FBXO42: variants seen among roughly 807,000 people sequenced by gnomAD.
FBXO42 encodes the protein F-box protein 42, also known as F-box only protein 42.
FBXO42 carries 12 observed loss-of-function variants against 71.7 expected under a neutral mutation model. The observed-to-expected ratio is 0.17, with a 90% CI of 0.11 to 0.27. The LOEUF (loss-of-function observed/expected upper bound fraction) is 0.27. Ranked by LOEUF, FBXO42 falls within the 10% of genes least tolerant of loss-of-function variation. FBXO42 has a pLI of 1.00. For synonymous variants in FBXO42, 325 were observed against 327.5 expected (o/e 0.99, Z 0.08); for missense variants, 707 against 911.9 (o/e 0.78, Z 2.89).
chr1:16,348,844 T>G (rs1022374803), intron 1 of FBXO42, among the ~76,000 whole-genome samples: 1 of 152,182 alleles, frequency 6.6e-6, no homozygotes, highest in Non-Finnish European at 1.5e-5. Context: ...ATCAACATTG[T>G]AAGGAATAAC....
At chr1:16,317,051 CG>C in intron 1 of FBXO42, among the ~76,000 whole-genome samples, 2 of 152,022 alleles carry the variant, frequency 1.3e-5, no homozygotes, top group South Asian at 4.2e-4. Flanking sequence ...GAGGCTGAGG[CG>C]GGCGGATCAC....
At chr1:16,279,335 C>G (rs1467308965) in intron 4 of FBXO42, among the ~76,000 whole-genome samples, 1 of 151,776 alleles carries the variant, frequency 6.6e-6, no homozygotes, top group Non-Finnish European at 1.5e-5. Context: ...GAGGCTGAGG[C>G]AGGATGACTG....
In FBXO42 at chr1:16,352,261, CAGCCCGCTCCACGCTCTCG is replaced by C. The variant is rs1329220975; in HGVS notation, c.-43_-25del. 2 of 395,502 alleles carry C rather than the reference CAGCCCGCTCCACGCTCTCG, an allele frequency of 5.1e-6. No homozygotes were observed. Among genetic ancestry groups the C allele is most frequent in the East Asian group, 7.2e-5 (2 of 27,916 alleles). 24.5% of individuals were successfully genotyped at this position (395,502 alleles called of 1,614,324 possible). ...GGAGGAGGAGAGGCCTCACCTGGCC[CAGCCCGCTCCACGCTCTCG>C]GGTTCGCTCCGCTGGCGACGGTAAT... On this transcript the variant is annotated 5_prime_UTR_variant, in exon 1 of 10. Transcript: ENST00000375592.
chr1:16,311,862 A>G (rs932756944), intron 2 of FBXO42, among the ~76,000 whole-genome samples: 1 of 152,098 alleles, frequency 6.6e-6, no homozygotes, highest in African/African-American at 2.4e-5. Flanking sequence ...GCATCTTGGT[A>G]TTTATTTACC....
At chr1:16,280,712 C>G (rs1268049204) in intron 4 of FBXO42, among the ~76,000 whole-genome samples, 1 of 152,018 alleles carries the variant, frequency 6.6e-6, no homozygotes, top group Non-Finnish European at 1.5e-5. Context: ...GAGGTCAAGG[C>G]TGCAGTGAGC....
chr1:16,338,128 A>G (rs1481675870), intron 1 of FBXO42, among the ~76,000 whole-genome samples: 2 of 151,226 alleles, frequency 1.3e-5, no homozygotes, highest in African/African-American at 4.9e-5. Context: ...GTGTGGTGGC[A>G]GGCGCCTGTA....
chr1:16,289,829 G>A (rs566280094), intron 4 of FBXO42, among the ~76,000 whole-genome samples: 8 of 152,258 alleles, frequency 5.3e-5, no homozygotes, highest in Admixed American at 3.9e-4. Context: ...AGCTACTCAG[G>A]AGGCTAAGGC....
rs146986551 is a variant in FBXO42, at chr1:16,251,517, G to A, written c.1307C>T (p.Ser436Phe). ...CAAACTCCCACCATTGAGGATAGGA[G>A]AGCCGTCTCCTCTGGCTGGGGAAAG... ...GSLSPARGDG[S>F]PILNGGSLSP... is the part of the protein sequence containing the mutation. The change falls in exon 10 of 10, where the codon TCT becomes TTT. Residue 436 changes from serine (S) to phenylalanine (F), a missense_variant. Physicochemically the swap from Ser to Phe is radical, Grantham distance 155. Around this residue, in one of 5 missense-constraint regions of FBXO42, gnomAD observed 482 missense variants for 587.1 expected, o/e 0.82. Coordinates refer to ENST00000375592, the MANE Select transcript of FBXO42 (RefSeq NM_018994.3). This position sits in a 1 kb window ranked among gnomAD's most constrained non-coding sequence, Gnocchi z 4.5. 13 of 1,614,174 alleles carry A rather than the reference G, an allele frequency of 8.1e-6. No individual in the cohort carries two copies. Among genetic ancestry groups the A allele is most frequent in the Non-Finnish European group, 1.1e-5 (13 of 1,180,018 alleles).
intron 1 of FBXO42, among the ~76,000 whole-genome samples, chr1:16,330,670 G>A (rs375528405): frequency 2.0e-5 from 3 of 151,940 alleles, no homozygotes; most frequent in Non-Finnish European, 2.9e-5. Flanking sequence ...GGCCAGGTGC[G>A]GTGGCTCACG....
At chr1:16,272,074 G>C (rs1164839162) in intron 4 of FBXO42, among the ~76,000 whole-genome samples, 3 of 141,976 alleles carry the variant, frequency 2.1e-5, no homozygotes, top group Non-Finnish European at 4.6e-5. Flanking sequence ...AGAATTGCAT[G>C]AATCTGGGAG....
intron 2 of FBXO42, among the ~76,000 whole-genome samples, chr1:16,314,599 C>T (rs1406964324): frequency 6.6e-6 from 1 of 152,184 alleles, no homozygotes; most frequent in Admixed American, 6.5e-5. Context: ...ATCCCATATC[C>T]ATTTCTATTT....
At chr1:16,342,775 G>A (rs998004304) in intron 1 of FBXO42, among the ~76,000 whole-genome samples, 2 of 151,976 alleles carry the variant, frequency 1.3e-5, no homozygotes, top group African/African-American at 4.8e-5. Context: ...CCTACTGGGT[G>A]GTGTTTAGGT....
chr1:16,254,430 C>A (rs2081619644), intron 6 of FBXO42, among the ~76,000 whole-genome samples: 1 of 152,206 alleles, frequency 6.6e-6, no homozygotes, highest in South Asian at 2.1e-4. Context: ...CTAATGAAAG[C>A]TGCAGTTTTA....
intron 4 of FBXO42, among the ~76,000 whole-genome samples, chr1:16,280,776 G>A (rs1013445768): frequency 4.0e-5 from 6 of 148,610 alleles, no homozygotes; most frequent in Non-Finnish European, 7.5e-5. Context: ...CCAGTCTCCA[G>A]AAAAAAAAAC....
Position 16,352,480 on chromosome 1 carries a change from G to C in FBXO42, c.-243C>G, listed in dbSNP as rs972184624. 2.5e-6 allele frequency: 1 copy of C among 396,040 alleles called. No homozygotes were observed. Among genetic ancestry groups the C allele is most frequent in the Non-Finnish European group, 4.5e-6 (1 of 224,494 alleles). The allele number at this position is 396,040 out of a possible 1,614,324, so 24.5% of individuals were successfully genotyped here. A position where few individuals can be genotyped will look rare whatever the true frequency, so the allele number is the denominator to read the frequency against. On this transcript the variant is annotated 5_prime_UTR_variant, in exon 1 of 10. Coordinates refer to ENST00000375592, the MANE Select transcript of FBXO42 (RefSeq NM_018994.3). Reference sequence around the variant, plus strand: ...GCTCAGGCCGGGAGAAGACAGCGCAGAGCGCGCATGCGCCGGGGCGGGCGC... The same window carrying C: ...GCTCAGGCCGGGAGAAGACAGCGCACAGCGCGCATGCGCCGGGGCGGGCGC...
intron 6 of FBXO42, among the ~76,000 whole-genome samples, chr1:16,255,339 T>TC (rs2081630049): frequency 2.9e-5 from 2 of 68,588 alleles, no homozygotes; most frequent in Admixed American, 1.2e-4. Context: ...CTAACTTACT[T>TC]TTTTTTTTTT....
intron 1 of FBXO42, among the ~76,000 whole-genome samples, chr1:16,350,544 TC>T (rs57703992): frequency 0.96 from 131,591 of 136,656 alleles, 63,562 homozygotes; most frequent in East Asian, 1. Flanking sequence ...CTGGGCAACA[TC>T]GGTGAAACCC....
chr1:16,281,591 CTT>C (rs1352599826), intron 4 of FBXO42, among the ~76,000 whole-genome samples: 1 of 151,184 alleles, frequency 6.6e-6, no homozygotes, highest in Non-Finnish European at 1.5e-5. Context: ...GCCTCGGACT[CTT>C]GAGTAGCTTG....
chr1:16,345,806 C>T (rs927571173), intron 1 of FBXO42, among the ~76,000 whole-genome samples: 11 of 150,962 alleles, frequency 7.3e-5, no homozygotes, highest in Non-Finnish European at 1.5e-4. Flanking sequence ...CGAGATCAAG[C>T]CACTGCACTC....
Sources: allele counts gnomAD v4.1 joint callset (sites outside exome capture counted in the v4.1 genomes callset), GRCh38; gene constraint gnomAD v4.1.1; regional missense constraint gnomAD v4.1.1; non-coding constraint Gnocchi (gnomAD v3.1); transcripts MANE v1.5; gene names NCBI Gene and HGNC (gene_info 2026-07-23, HGNC 2026-07-21).